The following AK7 variants were observed in gnomAD, a reference collection of about 807,000 sequenced individuals.
AK7 encodes adenylate kinase 7, also known as ATP-AMP transphosphorylase 7.
In AK7, 78 loss-of-function variants were observed where a neutral mutation model predicts 96.6. That is an observed-to-expected ratio of 0.81 (90% CI 0.67 to 0.97). The LOEUF (loss-of-function observed/expected upper bound fraction) is 0.97, where lower values mean the gene tolerates loss of function less well. Among genes scored for constraint, AK7 ranks in the 50% least tolerant of loss-of-function variants. The pLI is 0.00. For synonymous variants in AK7, 302 were observed against 317.2 expected, an observed-to-expected ratio of 0.95 and a Z score of 0.51; for missense variants, 855 against 887.9, an observed-to-expected ratio of 0.96 and a Z score of 0.47.
At chr14:96,409,078 A>G in intron 4 of AK7, 137 bp downstream of exon 4, 1 of 824,244 alleles carries the variant, frequency 1.2e-6, no homozygotes, top group South Asian at 1.8e-5. Flanking sequence ...CACCCAGCAG[A>G]GTTTACTGAC....
intron 11 of AK7, chr14:96,457,150 T>C: frequency 7.3e-6 from 1 of 137,188 alleles, no homozygotes; most frequent in Non-Finnish European, 1.5e-5. Flanking sequence ...AACCTTCACC[T>C]CCTGGGTTCA....
chr14:96,398,147 A>C lies in AK7; in HGVS notation c.178A>C (p.Lys60Gln). The C allele has an allele frequency of 6.2e-7, 1 of 1,614,178 alleles. No individual in the cohort carries two copies. The highest frequency in any genetic ancestry group is 8.5e-7 in the Non-Finnish European group (1 of 1,180,034). ...GGAAGAGGAAGAGGAAGATGAAAAT[A>C]AGTCAGCTATGCTGGAAGCTTCCTC... ...TEEEEEEDEN[K>Q]SAMLEASSTK... Residue 60 changes from lysine (K) to glutamine (Q), a missense_variant, in exon 2 of 18, where the codon AAG becomes CAG. By Grantham distance (53) the Lys-to-Gln change is moderately conservative (BLOSUM62 1). Coordinates refer to ENST00000267584, the MANE Select transcript of AK7 (RefSeq NM_152327.5).
chr14:96,425,454 C>T (rs1891967497), intron 5 of AK7, among the ~76,000 whole-genome samples: 1 of 148,400 alleles, frequency 6.7e-6, no homozygotes, highest in South Asian at 2.2e-4. Context: ...ACCAAAATTG[C>T]TTTCATCTTT....
Position 96,392,248 on chromosome 14 carries a change from A to G in AK7, c.94A>G (p.Asn32Asp). 1 of 1,612,454 alleles carries G rather than the reference A, an allele frequency of 6.2e-7. No individual in the cohort carries two copies. Among genetic ancestry groups the G allele is most frequent in the Non-Finnish European group, 8.5e-7 (1 of 1,178,640 alleles). ...INLLDSYSSG[N>D]IGKFLSNCVV... Reference sequence around the variant, plus strand: ...CCTGTTGGATTCCTACAGCAGCGGAAACATCGGGAAGGTGAGCGGCGGCGG... The same window carrying G: ...CCTGTTGGATTCCTACAGCAGCGGAGACATCGGGAAGGTGAGCGGCGGCGG... The change falls in exon 1 of 18, where the codon AAC becomes GAC. Residue 32 changes from asparagine (N) to aspartate (D), a missense_variant. Transcript: ENST00000267584.
At chr14:96,481,149 G>C (rs1895481854) in intron 15 of AK7, among the ~76,000 whole-genome samples, 1 of 152,094 alleles carries the variant, frequency 6.6e-6, no homozygotes, top group Non-Finnish European at 1.5e-5. Context: ...TCCCTGAAGG[G>C]CAACTCTGCT....
chr14:96,423,527 G>A (rs1451320929), intron 5 of AK7, among the ~76,000 whole-genome samples: 1 of 152,180 alleles, frequency 6.6e-6, no homozygotes, highest in African/African-American at 2.4e-5. Flanking sequence ...TGACTAGAAT[G>A]ATAAAGGCCA....
intron 3 of AK7, 103 bp from the exon 4 acceptor site, chr14:96,408,744 A>T (rs1006771597): frequency 1.1e-6 from 1 of 949,256 alleles, no homozygotes; most frequent in African/African-American, 1.6e-5. Context: ...AGGTAACAGC[A>T]CCCTGGTGTT....
chr14:96,417,806 A>T (rs1052012106), intron 4 of AK7, among the ~76,000 whole-genome samples: 1 of 152,190 alleles, frequency 6.6e-6, no homozygotes, highest in Non-Finnish European at 1.5e-5. Flanking sequence ...AATAAAAAAC[A>T]TGTATCAGAA....
chr14:96,478,825 T>G (rs993036604), intron 15 of AK7, among the ~76,000 whole-genome samples, 163 bp downstream of exon 15: 5 of 151,982 alleles, frequency 3.3e-5, no homozygotes, highest in Non-Finnish European at 7.4e-5. Flanking sequence ...TGGGGAGTCA[T>G]TCTATGTGGG....
At chr14:96,465,324 G>C (rs562865378) in intron 12 of AK7, among the ~76,000 whole-genome samples, 1 of 152,066 alleles carries the variant, frequency 6.6e-6, no homozygotes, top group Non-Finnish European at 1.5e-5. Flanking sequence ...TTAGCCGGGC[G>C]TGGTGGCGGG....
chr14:96,487,992 A>G, intron 17 of AK7: 1 of 405,944 alleles, frequency 2.5e-6, no homozygotes. Context: ...GGCTTACTGC[A>G]ACCTCCACCT....
chr14:96,424,924 CA>C (rs1566775810), intron 5 of AK7, among the ~76,000 whole-genome samples: 1 of 152,158 alleles, frequency 6.6e-6, no homozygotes, highest in Non-Finnish European at 1.5e-5. Flanking sequence ...AACTGAATAA[CA>C]GTCTAAAATG....
chr14:96,440,254 T>A (rs1892892617), intron 6 of AK7, among the ~76,000 whole-genome samples: 1 of 152,226 alleles, frequency 6.6e-6, no homozygotes, highest in South Asian at 2.1e-4. Flanking sequence ...ATTACAGGCG[T>A]GAGCCACCGT....
chr14:96,407,201 A>C (rs960772976), intron 3 of AK7, among the ~76,000 whole-genome samples: 1 of 152,214 alleles, frequency 6.6e-6, no homozygotes, highest in Non-Finnish European at 1.5e-5. Context: ...AGGATAACCC[A>C]GTTAGAGGAC....
intron 4 of AK7, among the ~76,000 whole-genome samples, chr14:96,419,517 C>G (rs1179137536): frequency 1.3e-5 from 2 of 151,822 alleles, no homozygotes; most frequent in Admixed American, 1.3e-4. Context: ...CTATATAGTC[C>G]CAGCTACTTG....
At chr14:96,462,188 C>T (rs1324434384) in intron 12 of AK7, among the ~76,000 whole-genome samples, 1 of 152,248 alleles carries the variant, frequency 6.6e-6, no homozygotes, top group African/African-American at 2.4e-5. Context: ...AGGAAGTGGT[C>T]GTGTGGGGAA....
chr14:96,403,967 A>G (rs1890557596), intron 2 of AK7, among the ~76,000 whole-genome samples: 1 of 151,888 alleles, frequency 6.6e-6, no homozygotes, highest in African/African-American at 2.4e-5. Context: ...CAACATGGTG[A>G]AACCCCATCT....
intron 1 of AK7, among the ~76,000 whole-genome samples, 182 bp from the exon 2 acceptor site, chr14:96,397,893 A>G (rs1359792578): frequency 6.6e-6 from 1 of 152,184 alleles, no homozygotes; most frequent in East Asian, 1.9e-4. Context: ...GGGGAATTAT[A>G]ACAGTACCCA....
chr14:96,478,470 G>A lies in AK7; in HGVS notation c.1561G>A (p.Val521Ile), dbSNP rs116365333. The A allele has an allele frequency of 4.0e-3, 6,421 of 1,614,134 alleles. 20 individuals carry two copies. Among genetic ancestry groups the A allele is most frequent in the Non-Finnish European group, 4.8e-3 (5,699 of 1,180,022 alleles). The change falls in exon 15 of 18, where the codon GTT (valine) becomes ATT (isoleucine). Residue 521 changes from valine to isoleucine, a missense_variant. Transcript: ENST00000267584. ...PFDKLIIPEF[V>I]CALDASDEFL... ...GAGTCTGTCCTTCTCCCCAGAATTCGTTTGTGCACTGGATGCTTCGGATGA... is the reference window on the plus strand; with the variant it reads ...GAGTCTGTCCTTCTCCCCAGAATTCATTTGTGCACTGGATGCTTCGGATGA...
Sources: allele counts gnomAD v4.1 joint callset (sites outside exome capture counted in the v4.1 genomes callset), GRCh38; gene constraint gnomAD v4.1.1; transcripts MANE v1.5; gene names NCBI Gene and HGNC (gene_info 2026-07-23, HGNC 2026-07-21).